The following TLR8 variants were observed in gnomAD, a reference collection of about 807,000 sequenced individuals.
The protein encoded by TLR8 is toll-like receptor 8.
In TLR8, 5 loss-of-function variants were observed where a neutral mutation model predicts 18.5. The ratio of observed to expected loss-of-function variants is 0.27; its 90% CI spans 0.14 to 0.57. The LOEUF (loss-of-function observed/expected upper bound fraction) is 0.57, where lower values mean the gene tolerates loss of function less well. TLR8 is among the 20% of genes least tolerant of loss of function. The pLI is 0.92. For synonymous variants in TLR8, 299 were observed against 300.1 expected (o/e 1.00, Z 0.04); for missense variants, 543 against 769.8 (o/e 0.71, Z 3.49).
At position 12,921,578 on chromosome X, in the gene TLR8, C is replaced by T; in HGVS notation, c.2538C>T (p.Ala846=). 1 of 1,211,599 alleles carries T rather than the reference C, an allele frequency of 8.3e-7. No individual in the cohort carries two copies. The highest frequency in any genetic ancestry group is 1.1e-6 in the Non-Finnish European group (1 of 895,415). The change falls in exon 2 of 2, where the codon GCC becomes GCT. Residue 846 remains alanine, a synonymous_variant. Transcript: ENST00000218032. The part of the protein sequence containing the change: ...FFITTMVMLA[A]LAHHLFYWDV... ...TCACCACCATGGTTATGTTGGCTGC[C>T]CTGGCTCACCATTTGTTTTACTGGG...
At position 12,920,188 on chromosome X, in the gene TLR8, G is replaced by T. The variant is rs2043084181; in HGVS notation, c.1148G>T (p.Arg383Ile). 1 of 1,208,955 alleles carries T rather than the reference G, an allele frequency of 8.3e-7. No individual in the cohort carries two copies. Among genetic ancestry groups the T allele is most frequent in the Non-Finnish European group, 1.1e-6 (1 of 894,472 alleles). ...AGAGGTTATGTGTTCCAGGAACTCA[G>T]AGAAGATGATTTCCAGCCCCTGATG... ...HLRGYVFQEL[R>I]EDDFQPLMQL... The change falls in exon 2 of 2, where the codon AGA (arginine) becomes ATA (isoleucine). Residue 383 changes from arginine (R) to isoleucine (I), a missense_variant. Transcript: ENST00000218032.
At chrX:12,910,201 C>A (rs1302887965) in intron 1 of TLR8, 16 of 734,577 alleles carry the variant, frequency 2.2e-5, no homozygotes, top group Non-Finnish European at 3.0e-5. Flanking sequence ...AAAATTAGAA[C>A]TATTTCCAGT....
intron 1 of TLR8, chrX:12,910,539 C>T (rs930106937): frequency 2.4e-5 from 23 of 957,456 alleles, no homozygotes; most frequent in African/African-American, 3.8e-5. Flanking sequence ...CACATGGCAG[C>T]GTCCCTACCT....
At position 12,919,254 on chromosome X, in the gene TLR8, G is replaced by A. The variant is rs778375164; in HGVS notation, c.214G>A (p.Asp72Asn). Residue 72 changes from aspartate to asparagine, a missense_variant, in exon 2 of 2, where the codon GAT (aspartate) becomes AAT (asparagine). Coordinates refer to ENST00000218032, the MANE Select transcript of TLR8 (RefSeq NM_138636.5). ...ATATGTGACAGAACTAGACCTGTCT[G>A]ATAATTTCATCACACACATAACGAA... ...GKYVTELDLS[D>N]NFITHITNES... is the part of the protein sequence containing the mutation. The A allele has an allele frequency of 8.3e-7, 1 of 1,211,944 alleles. No homozygotes were observed. The highest frequency in any genetic ancestry group is 1.1e-6 in the Non-Finnish European group (1 of 895,536).
At position 12,922,182 on chromosome X, in the gene TLR8, G is replaced by C. The variant is rs962950445; in HGVS notation, c.*16G>C. The C allele has an allele frequency of 8.5e-7, 1 of 1,171,893 alleles. No homozygotes were observed. The highest frequency in any genetic ancestry group is 3.0e-5 in the East Asian group (1 of 33,348). On this transcript the variant is annotated 3_prime_UTR_variant, in exon 2 of 2. Coordinates refer to ENST00000218032, the MANE Select transcript of TLR8 (RefSeq NM_138636.5). The stretch of plus-strand genomic sequence containing the variant: ...GCAATACTAACTGACGTTAAGTCAT[G>C]ATTTCGCGCCATAATAAAGATGCAA...
At position 12,920,396 on chromosome X, in the gene TLR8, G is replaced by A. The variant is rs757294209; in HGVS notation, c.1356G>A (p.Arg452=). The part of the protein sequence containing the change: ...ANSSSFQRHI[R]KRRSTDFEFD... Reference sequence around the variant, plus strand: ...GTTCCTCTTTTCAACGTCATATCCGGAAACGACGCTCAACAGATTTTGAGT... The same window carrying A: ...GTTCCTCTTTTCAACGTCATATCCGAAAACGACGCTCAACAGATTTTGAGT... Residue 452 remains arginine (R), a synonymous_variant, in exon 2 of 2, where the codon CGG becomes CGA. Coordinates refer to ENST00000218032, the MANE Select transcript of TLR8 (RefSeq NM_138636.5). 2.5e-6 allele frequency: 3 copies of A among 1,209,209 alleles called. No homozygotes were observed. Among genetic ancestry groups the A allele is most frequent in the Non-Finnish European group, 3.4e-6 (3 of 894,503 alleles).
In TLR8 at chrX:12,922,287, TGCTG is replaced by T. The variant is rs2043101808; in HGVS notation, c.*124_*127del. 1.0e-6 allele frequency: 1 copy of T among 957,803 alleles called. No homozygotes were observed. Among genetic ancestry groups the T allele is most frequent in the Non-Finnish European group, 1.4e-6 (1 of 711,328 alleles). 78.9% of individuals were successfully genotyped at this position (957,803 alleles called of 1,213,427 possible). ...ACTTAGTGGTTTAAAACAACACATT[TGCTG>T]GCCCACAGTTTTTGAGGGTCAGGAG... On this transcript the variant is annotated 3_prime_UTR_variant, in exon 2 of 2. Coordinates refer to ENST00000218032, the MANE Select transcript of TLR8 (RefSeq NM_138636.5).
In TLR8 at chrX:12,922,411, T is replaced by A; in HGVS notation, c.*245T>A. On this transcript the variant is annotated 3_prime_UTR_variant, in exon 2 of 2. Coordinates refer to ENST00000218032, the MANE Select transcript of TLR8 (RefSeq NM_138636.5). ...GACATAGGCATCACTGGGGTCACAC[T>A]CATGTGGTTGTTTTCTGGATTCAAT... 2.8e-6 allele frequency: 1 copy of A among 357,349 alleles called. No homozygotes were observed. The highest frequency in any genetic ancestry group is 2.6e-5 in the African/African-American group (1 of 38,653). The allele number at this position is 357,349 out of a possible 1,213,427, so 29.4% of individuals were successfully genotyped here. A position where few individuals can be genotyped will look rare whatever the true frequency, so the allele number is the denominator to read the frequency against.
Position 12,921,435 on chromosome X carries a change from G to C in TLR8, c.2395G>C (p.Val799Leu). The C allele has an allele frequency of 8.3e-7, 1 of 1,211,962 alleles. No individual in the cohort carries two copies. The highest frequency in any genetic ancestry group is 1.1e-6 in the Non-Finnish European group (1 of 895,547). The part of the protein sequence containing the change: ...EHLNVKIPRL[V>L]DVICASPGDQ... ...TCTGAATGTCAAAATTCCCAGACTG[G>C]TAGATGTCATTTGTGCCAGTCCTGG... The change falls in exon 2 of 2, where the codon GTA (valine) becomes CTA (leucine). Residue 799 changes from valine (V) to leucine (L), a missense_variant. Transcript: ENST00000218032.
Position 12,919,931 on chromosome X carries a change from T to C in TLR8, c.891T>C (p.Thr297=), listed in dbSNP as rs1454368270. ...TQLRYLNLSS[T]SLRKINAAWF... ...TTCGATACCTAAACCTCTCTAGCAC[T>C]TCCCTCAGGAAGATTAATGCTGCCT... is the stretch of plus-strand genomic sequence containing the variant. Residue 297 remains threonine, a synonymous_variant, in exon 2 of 2, where the codon ACT becomes ACC. Coordinates refer to ENST00000218032, the MANE Select transcript of TLR8 (RefSeq NM_138636.5). 3.3e-6 allele frequency: 4 copies of C among 1,209,605 alleles called. No homozygotes were observed. In the African/African-American group the frequency reaches 7.0e-5, roughly 21 times the overall value.
At chrX:12,908,442 A>G (rs1319667299) in intron 1 of TLR8, 1 of 113,043 alleles carries the variant, frequency 8.8e-6, no homozygotes, top group Non-Finnish European at 1.9e-5. Flanking sequence ...CTGGTGGCCA[A>G]TGGAGGTCAA....
At chrX:12,910,532 ATGG>A in intron 1 of TLR8, 1 of 994,845 alleles carries the variant, frequency 1.0e-6, no homozygotes, top group South Asian at 2.2e-5. Context: ...TTAGTCTCAC[ATGG>A]CAGCGTCCCT....
At chrX:12,909,294 G>GC (rs1433096245) in intron 1 of TLR8, among the ~76,000 whole-genome samples, 1 of 112,271 alleles carries the variant, frequency 8.9e-6, no homozygotes, top group Non-Finnish European at 1.9e-5. Flanking sequence ...TTATGCATTT[G>GC]TTTTTTAGCC....
intron 1 of TLR8, among the ~76,000 whole-genome samples, chrX:12,908,973 G>A (rs914413150): frequency 8.9e-6 from 1 of 111,930 alleles, no homozygotes; most frequent in Non-Finnish European, 1.9e-5. Context: ...GAATATTAGG[G>A]TGTGTTTCAC....
chrX:12,920,364 G>A lies in TLR8; in HGVS notation c.1324G>A (p.Ala442Thr). 1.7e-6 allele frequency: 2 copies of A among 1,210,785 alleles called. No individual in the cohort carries two copies. Among genetic ancestry groups the A allele is most frequent in the Non-Finnish European group, 2.2e-6 (2 of 894,985 alleles). Residue 442 changes from alanine (A) to threonine (T), a missense_variant, in exon 2 of 2, where the codon GCA becomes ACA. Ala to Thr is a moderately conservative substitution (Grantham distance 58). Around this residue, in one of 4 missense-constraint regions of TLR8, gnomAD observed 185 missense variants for 298.9 expected, o/e 0.62. Transcript: ENST00000218032. Reference sequence around the variant, plus strand: ...GGTAAAAGATACCCGGCAGAGTTATGCAAATAGTTCCTCTTTTCAACGTCA... The same window carrying A: ...GGTAAAAGATACCCGGCAGAGTTATACAAATAGTTCCTCTTTTCAACGTCA... ...PLVKDTRQSY[A>T]NSSSFQRHIR...
At chrX:12,917,288 G>C (rs1318285407) in intron 1 of TLR8, among the ~76,000 whole-genome samples, 2 of 112,301 alleles carry the variant, frequency 1.8e-5, no homozygotes, top group Admixed American at 9.4e-5. Context: ...ACTAGCAACT[G>C]AACATGTCTG....
At chrX:12,916,298 C>A (rs1046803458) in intron 1 of TLR8, among the ~76,000 whole-genome samples, 3 of 111,916 alleles carry the variant, frequency 2.7e-5, no homozygotes, top group Non-Finnish European at 5.6e-5. Context: ...GACTGGGAGC[C>A]AATTCATATA....
At chrX:12,909,771 T>TACCATCTG (rs1172090150) in intron 1 of TLR8, among the ~76,000 whole-genome samples, 1 of 112,038 alleles carries the variant, frequency 8.9e-6, no homozygotes, top group East Asian at 2.8e-4. Context: ...CTCTACCACC[T>TACCATCTG]ACCATCTGAG....
rs760786710 is a variant in TLR8, at chrX:12,921,201, C to G, written c.2161C>G (p.His721Asp). The change falls in exon 2 of 2, where the codon CAT (histidine) becomes GAT (aspartate). Residue 721 changes from histidine (H) to aspartate (D), a missense_variant. This residue lies in a region of TLR8 where 227 missense variants were observed against 312.9 expected (regional missense o/e 0.73). Coordinates refer to ENST00000218032, the MANE Select transcript of TLR8 (RefSeq NM_138636.5). ...TSSLRTLLLS[H>D]NRISHLPSGF... ...TTCCCTTCGGACACTGCTGCTGAGT[C>G]ATAACAGGATTTCCCACCTACCCTC... 1 of 1,211,941 alleles carries G rather than the reference C, an allele frequency of 8.3e-7. No individual in the cohort carries two copies. The highest frequency in any genetic ancestry group is 1.1e-6 in the Non-Finnish European group (1 of 895,612).
Sources: gnomAD v4.1 joint callset for allele counts (sites outside exome capture counted in the v4.1 genomes callset) on GRCh38, gnomAD v4.1.1 for gene constraint, gnomAD v4.1.1 regional missense constraint, MANE v1.5 for transcripts, NCBI Gene and HGNC (gene_info 2026-07-23, HGNC 2026-07-21) for gene names.